The following WDR27 variants were observed in gnomAD, a reference collection of about 807,000 sequenced individuals.
WDR27 encodes the protein WD repeat domain 27.
A neutral mutation model predicts 114.4 loss-of-function variants in WDR27; 100 were observed. That is an observed-to-expected ratio of 0.87 (90% CI 0.74 to 1.03). WDR27 has a LOEUF of 1.03. Among genes scored for constraint, WDR27 ranks in the 50% least tolerant of loss-of-function variants. WDR27 has a pLI of 0.00. For missense variants in WDR27, 1,129 were observed against 1,092.9 expected (o/e 1.03, Z -0.47); for synonymous variants, 449 against 423.1 (o/e 1.06, Z -0.75).
At chr6:169,564,896 C>G (rs1036987633) in intron 25 of WDR27, among the ~76,000 whole-genome samples, 1 of 152,188 alleles carries the variant, frequency 6.6e-6, no homozygotes, top group African/African-American at 2.4e-5. Context: ...GTCCTCATGC[C>G]AACACCCATG....
intron 25 of WDR27, among the ~76,000 whole-genome samples, chr6:169,533,431 A>G (rs1020830144): frequency 6.6e-6 from 1 of 152,216 alleles, no homozygotes; most frequent in Non-Finnish European, 1.5e-5. Context: ...GTGACTAAAT[A>G]GAAAACAATG....
chr6:169,475,735 A>C (rs1272467884), intron 25 of WDR27, among the ~76,000 whole-genome samples: 1 of 152,152 alleles, frequency 6.6e-6, no homozygotes, highest in Non-Finnish European at 1.5e-5. Context: ...TCTCTGGCTT[A>C]ATTGCACTTC....
chr6:169,578,753 G>T (rs1369530118), intron 24 of WDR27, among the ~76,000 whole-genome samples: 1 of 152,220 alleles, frequency 6.6e-6, no homozygotes, highest in Non-Finnish European at 1.5e-5. Context: ...ACGCTCAACA[G>T]TAGCTTTGGT....
At chr6:169,660,188 G>A (rs1825658619) in intron 10 of WDR27, among the ~76,000 whole-genome samples, 1 of 111,530 alleles carries the variant, frequency 9.0e-6, no homozygotes, top group African/African-American at 3.4e-5. Flanking sequence ...TGAGATGGGG[G>A]TCTTGGGGGA....
At chr6:169,644,177 G>C (rs1457490738) in intron 16 of WDR27, among the ~76,000 whole-genome samples, 1 of 140,010 alleles carries the variant, frequency 7.1e-6, no homozygotes, top group Non-Finnish European at 1.6e-5. Context: ...CTAGTTCACA[G>C]GAGTCACACT....
chr6:169,502,523 G>A (rs956970026), intron 25 of WDR27, among the ~76,000 whole-genome samples: 1 of 152,234 alleles, frequency 6.6e-6, no homozygotes, highest in Admixed American at 6.5e-5. Flanking sequence ...CTAAGATCAA[G>A]TAGCAAAGGG....
At chr6:169,631,513 A>G (rs2128214971) in intron 21 of WDR27, among the ~76,000 whole-genome samples, 1 of 152,252 alleles carries the variant, frequency 6.6e-6, no homozygotes, top group Non-Finnish European at 1.5e-5. Context: ...GGCTGCCCAC[A>G]GGGAGGGCAC....
At chr6:169,662,527 C>T (rs1022249216) in intron 8 of WDR27, 103 bp from the exon 9 acceptor site, 7 of 1,439,332 alleles carry the variant, frequency 4.9e-6, no homozygotes, top group South Asian at 1.3e-5. Context: ...GAATGTGCAC[C>T]GTGGAGTCAC....
At chr6:169,601,762 C>T (rs1808028002) in intron 23 of WDR27, among the ~76,000 whole-genome samples, 1 of 152,200 alleles carries the variant, frequency 6.6e-6, no homozygotes, top group Non-Finnish European at 1.5e-5. Flanking sequence ...TTAGTACCTG[C>T]CCCAAATCCA....
chr6:169,520,956 A>G (rs1434971627), intron 25 of WDR27, among the ~76,000 whole-genome samples: 1 of 152,168 alleles, frequency 6.6e-6, no homozygotes, highest in Non-Finnish European at 1.5e-5. Flanking sequence ...AAGAACAAGG[A>G]GGTAGAAAGC....
At chr6:169,509,423 A>G (rs1377056156) in intron 25 of WDR27, among the ~76,000 whole-genome samples, 1 of 152,232 alleles carries the variant, frequency 6.6e-6, no homozygotes, top group Non-Finnish European at 1.5e-5. Flanking sequence ...TACTGGTACG[A>G]AAACAGAGAT....
Position 169,572,813 on chromosome 6 carries a change from A to G in WDR27, c.2524-273T>C, listed in dbSNP as rs377109112. ...ATACTACTTGTTGAGAAAGTAATCT[A>G]TCTTGAGAAAATAAACCCAGATACA... is the stretch of plus-strand genomic sequence containing the variant. On this transcript the variant is annotated intron_variant, in intron 24 of 25. Coordinates refer to ENST00000448612, the MANE Select transcript of WDR27 (RefSeq NM_182552.5). Among the ~76,000 whole-genome samples the G allele has an allele frequency of 2.0e-4, 30 of 152,356 alleles. No homozygotes were observed. The East Asian group carries it at 2.7e-3, about 14-fold the overall frequency.
At position 169,664,229 on chromosome 6, in the gene WDR27, G is replaced by C. The variant is rs779476541; in HGVS notation, c.841C>G (p.Leu281Val). The change falls in exon 8 of 26, where the codon CTA (leucine) becomes GTA (valine). Residue 281 changes from leucine to valine, a missense_variant. Transcript: ENST00000448612. ...HHYRRVARVD[L>V]RKKTETFSTR... ...GAGAAAGTCTCTGTCTTCTTCCTTA[G>C]GTCAACCCGTGCCACACGACGATAA... The C allele has an allele frequency of 1.9e-6, 3 of 1,613,408 alleles. No homozygotes were observed. Among genetic ancestry groups the C allele is most frequent in the Non-Finnish European group, 2.5e-6 (3 of 1,179,594 alleles).
At chr6:169,635,416 A>G (rs981481648) in intron 19 of WDR27, among the ~76,000 whole-genome samples, 1 of 152,044 alleles carries the variant, frequency 6.6e-6, no homozygotes, top group East Asian at 1.9e-4. Flanking sequence ...AGTCCCAGGC[A>G]CCTCTGAAGA....
intron 21 of WDR27, among the ~76,000 whole-genome samples, chr6:169,618,896 A>C (rs16888257): frequency 0.06 from 9,084 of 151,858 alleles, 807 homozygotes; most frequent in African/African-American, 0.19. Flanking sequence ...GCTATTAAAA[A>C]ATAGTGTAAA....
In WDR27 at chr6:169,613,552, G is replaced by C. The variant is rs781589639; in HGVS notation, c.2321+7C>G. ...CCCCTGCAGTGCAGGGCGCAGGACA[G>C]CCTTACCTCAGGGTTCTCAGGTCCC... On this transcript the variant is annotated splice_region_variant and intron_variant, in intron 22 of 25. Coordinates refer to ENST00000448612, the MANE Select transcript of WDR27 (RefSeq NM_182552.5). 15 of 1,612,802 alleles carry C rather than the reference G, an allele frequency of 9.3e-6. No individual in the cohort carries two copies. Among genetic ancestry groups the C allele is most frequent in the Non-Finnish European group, 1.3e-5 (15 of 1,178,978 alleles).
intron 25 of WDR27, among the ~76,000 whole-genome samples, chr6:169,543,687 G>A (rs2128095544): frequency 6.6e-6 from 1 of 152,180 alleles, no homozygotes; most frequent in Non-Finnish European, 1.5e-5. Context: ...AAAGGAAGAA[G>A]TATTTTTAAT....
rs962411934 is a variant in WDR27 at position 169,688,266 on chromosome 6, CA to C, written c.189+550del. ...TGCTGATTAATCAAAGAAACCAGCACAAAAAAGTACGTAATGTATAATCACA... is the reference window on the plus strand; with the variant it reads ...TGCTGATTAATCAAAGAAACCAGCACAAAAAGTACGTAATGTATAATCACA... On this transcript the variant is annotated intron_variant, in intron 2 of 25. Transcript: ENST00000448612. 1.1e-4 allele frequency among the ~76,000 whole-genome samples: 16 copies of C among 152,136 alleles called. 1 individual carries two copies. The highest frequency in any genetic ancestry group is 6.5e-4 in the Admixed American group (10 of 15,276).
chr6:169,562,478 G>A (rs1799805093), intron 25 of WDR27, among the ~76,000 whole-genome samples: 1 of 152,150 alleles, frequency 6.6e-6, no homozygotes, highest in South Asian at 2.1e-4. Flanking sequence ...CACAATTTGG[G>A]GGATCCCCTA....
Sources: allele counts gnomAD v4.1 joint callset (sites outside exome capture counted in the v4.1 genomes callset), GRCh38; gene constraint gnomAD v4.1.1; transcripts MANE v1.5; gene names NCBI Gene and HGNC (gene_info 2026-07-23, HGNC 2026-07-21).